Variants in DPYS observed in about 807,000 individuals in gnomAD.
The protein encoded by DPYS is dihydropyrimidinase.
Under a neutral mutation model 50.3 loss-of-function variants are expected in DPYS, and 39 were observed. The ratio of observed to expected loss-of-function variants is 0.78; its 90% CI spans 0.60 to 1.01. The LOEUF (loss-of-function observed/expected upper bound fraction) is 1.01. Ranked by LOEUF, DPYS falls within the 50% of genes least tolerant of loss-of-function variation. DPYS has a pLI of 0.00. For missense variants in DPYS, 659 were observed against 680.9 expected (o/e 0.97, Z 0.36); for synonymous variants, 245 against 250.7 (o/e 0.98, Z 0.22).
chr8:104,385,635 AAATTT>A (rs1366488769), intron 8 of DPYS, among the ~76,000 whole-genome samples: 1 of 152,230 alleles, frequency 6.6e-6, no homozygotes, highest in Admixed American at 6.5e-5. Flanking sequence ...ACTCATGTTA[AAATTT>A]AATTGCCATT....
rs767699894 is a variant in DPYS at position 104,438,737 on chromosome 8, CAGAG to C, written c.793+5507_793+5510del. 2.0e-5 allele frequency among the ~76,000 whole-genome samples: 3 copies of C among 150,586 alleles called. No individual in the cohort carries two copies. In the East Asian group the frequency reaches 5.8e-4, roughly 29 times the overall value. ...ACAGCTGGTAGACATCTGGAGGAGG[CAGAG>C]AGAGAGAGAGCACTTAGGGCCTCTA... On this transcript the variant is annotated intron_variant, in intron 4 of 9. Coordinates refer to ENST00000351513, the MANE Select transcript of DPYS (RefSeq NM_001385.3).
rs1460980935 is a variant in DPYS, at chr8:104,415,405, T to C, written c.1235+8842A>G. Among the ~76,000 whole-genome samples the C allele has an allele frequency of 2.6e-5, 4 of 152,340 alleles. No individual in the cohort carries two copies. In the South Asian group the frequency reaches 6.2e-4, roughly 24 times the overall value. ...TCATTTCTAAGCTGCTTTTCTTTTA[T>C]AATTTGGGGGAAAATGCAGTTATTA... On this transcript the variant is annotated intron_variant, in intron 7 of 9. Coordinates refer to ENST00000351513, the MANE Select transcript of DPYS (RefSeq NM_001385.3).
intron 7 of DPYS, among the ~76,000 whole-genome samples, chr8:104,408,226 T>C (rs1261748334): frequency 6.6e-6 from 1 of 152,250 alleles, no homozygotes; most frequent in East Asian, 1.9e-4. Flanking sequence ...AATAGTAACA[T>C]GCTTGTAGTA....
chr8:104,399,585 T>C (rs1811718224), intron 7 of DPYS, among the ~76,000 whole-genome samples: 1 of 151,836 alleles, frequency 6.6e-6, no homozygotes, highest in African/African-American at 2.4e-5. Flanking sequence ...ACTACTTTCC[T>C]GCAGCTGCGT....
intron 1 of DPYS, among the ~76,000 whole-genome samples, chr8:104,458,189 T>A (rs1251805978): frequency 6.6e-6 from 1 of 152,224 alleles, no homozygotes; most frequent in Non-Finnish European, 1.5e-5. Flanking sequence ...ACTATATGTC[T>A]GCCCAGCCAT....
At chr8:104,445,436 A>G (rs961112723) in intron 3 of DPYS, among the ~76,000 whole-genome samples, 60 of 152,364 alleles carry the variant, frequency 3.9e-4, no homozygotes, top group African/African-American at 1.4e-3. Flanking sequence ...CTATTCTGCC[A>G]TAAAAAAGAA....
At chr8:104,440,289 G>T (rs1294970762) in intron 4 of DPYS, among the ~76,000 whole-genome samples, 1 of 151,464 alleles carries the variant, frequency 6.6e-6, no homozygotes, top group East Asian at 1.9e-4. Context: ...TCAATAATTG[G>T]ATCTCCTTTG....
intron 5 of DPYS, among the ~76,000 whole-genome samples, chr8:104,428,833 TTTTC>T (rs1453033702): frequency 9.5e-5 from 2 of 21,034 alleles, no homozygotes; most frequent in East Asian, 3.8e-4. Context: ...TTCTTTTCTC[TTTTC>T]TTTTTTTTTT....
intron 7 of DPYS, among the ~76,000 whole-genome samples, chr8:104,410,570 C>T (rs1812140695): frequency 6.6e-6 from 1 of 152,132 alleles, no homozygotes. Flanking sequence ...CTACATCCTC[C>T]TCCCCATCTC....
intron 7 of DPYS, among the ~76,000 whole-genome samples, chr8:104,418,362 C>T (rs1045973314): frequency 5.9e-5 from 9 of 152,098 alleles, no homozygotes; most frequent in Admixed American, 5.2e-4. Context: ...AAATCCTGCA[C>T]ATTACCAGCC....
chr8:104,450,103 G>A (rs937504904), intron 2 of DPYS, among the ~76,000 whole-genome samples: 7 of 134,350 alleles, frequency 5.2e-5, no homozygotes, highest in Admixed American at 2.6e-4. Context: ...ATAGGAAAAT[G>A]AAGAGAAGGA....
rs557472597 is a variant in DPYS at position 104,451,368 on chromosome 8, A to T, written c.301T>A (p.Phe101Ile). The change falls in exon 2 of 10, where the codon TTC (phenylalanine) becomes ATC (isoleucine). Residue 101 changes from phenylalanine (F) to isoleucine (I), a missense_variant. Coordinates refer to ENST00000351513, the MANE Select transcript of DPYS (RefSeq NM_001385.3). ...GAGCCACCTTTCTGAGGAATGGCGA[A>T]ATCAATAATCATGGTGGTGCCTCCT... Reference protein sequence around the residue: ...LSGGTTMIIDFAIPQKGGSLI... With the variant: ...LSGGTTMIIDIAIPQKGGSLI... 1.5e-5 allele frequency: 25 copies of T among 1,614,194 alleles called. No individual in the cohort carries two copies. The Admixed American group carries it at 2.8e-4, about 18-fold the overall frequency.
At chr8:104,426,815 T>C (rs1007562163) in intron 6 of DPYS, among the ~76,000 whole-genome samples, 1 of 152,218 alleles carries the variant, frequency 6.6e-6, no homozygotes, top group African/African-American at 2.4e-5. Context: ...TTTGTAGTCA[T>C]GGACATTTAA....
At chr8:104,452,349 G>A (rs2140739713) in intron 1 of DPYS, among the ~76,000 whole-genome samples, 1 of 152,276 alleles carries the variant, frequency 6.6e-6, no homozygotes, top group African/African-American at 2.4e-5. Context: ...GAGACAGGAG[G>A]GATGTTGCAC....
At chr8:104,435,656 T>C (rs80320969) in intron 4 of DPYS, among the ~76,000 whole-genome samples, 2,205 of 152,216 alleles carry the variant, frequency 0.014, 61 homozygotes, top group African/African-American at 0.051. Flanking sequence ...TTCTTATTTC[T>C]GTAACCTGCT....
At chr8:104,448,143 C>T (rs1230418356) in intron 2 of DPYS, among the ~76,000 whole-genome samples, 2 of 150,432 alleles carry the variant, frequency 1.3e-5, no homozygotes, top group East Asian at 2.0e-4. Flanking sequence ...TCAAAGCTAT[C>T]GCAACAATTG....
intron 5 of DPYS, among the ~76,000 whole-genome samples, chr8:104,428,383 A>G (rs1196467826): frequency 6.6e-6 from 1 of 152,248 alleles, no homozygotes; most frequent in African/African-American, 2.4e-5. Context: ...TCCATCACTT[A>G]ACTAGCTCTG....
intron 1 of DPYS, among the ~76,000 whole-genome samples, chr8:104,452,303 A>G (rs1241743525): frequency 8.5e-5 from 13 of 152,244 alleles, no homozygotes; most frequent in Admixed American, 7.8e-4. Flanking sequence ...AATTGTTTTT[A>G]ATTGTTGTAT....
At chr8:104,452,423 C>T (rs1273829459) in intron 1 of DPYS, among the ~76,000 whole-genome samples, 1 of 152,198 alleles carries the variant, frequency 6.6e-6, no homozygotes, top group East Asian at 1.9e-4. Flanking sequence ...AGCATCAACA[C>T]TTATTCGCTG....
Sources: gnomAD v4.1 joint callset for allele counts (sites outside exome capture counted in the v4.1 genomes callset) on GRCh38, gnomAD v4.1.1 for gene constraint, MANE v1.5 for transcripts, NCBI Gene and HGNC (gene_info 2026-07-23, HGNC 2026-07-21) for gene names.